Variants in NUP98 observed in about 807,000 individuals in gnomAD.
The protein encoded by NUP98 is nucleoporin 98 and 96 precursor.
In NUP98, 26 loss-of-function variants were observed where a neutral mutation model predicts 191.9. The ratio of observed to expected loss-of-function variants is 0.14; its 90% confidence interval spans 0.10 to 0.19. The LOEUF (loss-of-function observed/expected upper bound fraction) is 0.19, where lower values mean the gene tolerates loss of function less well. Among genes scored for constraint, NUP98 ranks in the 10% least tolerant of loss-of-function variants. NUP98 has a pLI of 1.00. For synonymous variants in NUP98, 808 were observed against 778.4 expected (o/e 1.04, Z -0.63); for missense variants, 1,941 against 2,178.8 (o/e 0.89, Z 2.17).
rs533025739 is a variant in NUP98 at position 3,699,201 on chromosome 11, G to A, written c.3890C>T (p.Ala1297Val). 1 of 1,614,156 alleles carries A rather than the reference G, an allele frequency of 6.2e-7. No homozygotes were observed. The highest frequency in any genetic ancestry group is 2.2e-5 in the East Asian group (1 of 44,880). The change falls in exon 25 of 33, where the codon GCC (alanine) becomes GTC (valine). Residue 1297 changes from alanine (A) to valine (V), a missense_variant. Transcript: ENST00000324932. The part of the protein sequence containing the change: ...RAFSRWLSCT[A>V]TPQIEEEVSL... Reference sequence around the variant, plus strand: ...GACTTCCTCTTCAATCTGAGGTGTGGCAGTACAGGATAGCCAGCGGGAGAA... The same window carrying A: ...GACTTCCTCTTCAATCTGAGGTGTGACAGTACAGGATAGCCAGCGGGAGAA...
intron 19 of NUP98, among the ~76,000 whole-genome samples, chr11:3,713,356 T>C (rs949269324): frequency 6.6e-6 from 1 of 152,196 alleles, no homozygotes; most frequent in African/African-American, 2.4e-5. Context: ...ACTGCTGAAT[T>C]TTAACTAGGT....
chr11:3,768,641 C>G lies in NUP98; in HGVS notation c.888G>C (p.Gln296His). The change falls in exon 8 of 33, where the codon CAG becomes CAC. Residue 296 changes from glutamine to histidine, a missense_variant. Coordinates refer to ENST00000324932, the MANE Select transcript of NUP98 (RefSeq NM_016320.5). ...TATTACCAAAGGAAAAGCCAGTGTTCTGGGTGGTTGTAGCCTGGCCAAATG... is the reference window on the plus strand; with the variant it reads ...TATTACCAAAGGAAAAGCCAGTGTTGTGGGTGGTTGTAGCCTGGCCAAATG... ...SKPFGQATTT[Q>H]NTGFSFGNTS... 1.2e-6 allele frequency: 2 copies of G among 1,611,378 alleles called. No individual in the cohort carries two copies. The highest frequency in any genetic ancestry group is 1.7e-6 in the Non-Finnish European group (2 of 1,178,578).
rs749939631 is a variant in NUP98, at chr11:3,735,325, C to CT, written c.1409-2dup. On this transcript the variant is annotated splice_acceptor_variant, in intron 12 of 32. Transcript: ENST00000324932. LOFTEE classifies it high-confidence loss of function. ...GCAGAAGCATTTGGATCTGTCAAAG[C>CT]TTTTAAAAAAAAAAAAAGAAAACAA... 7.0e-6 allele frequency: 10 copies of CT among 1,436,470 alleles called. No homozygotes were observed. The highest frequency in any genetic ancestry group is 6.7e-5 in the South Asian group (4 of 59,354). 89.0% of individuals were successfully genotyped at this position (1,436,470 alleles called of 1,614,324 possible).
chr11:3,781,128 G>C (rs563398532), intron 2 of NUP98, among the ~76,000 whole-genome samples: 4 of 142,668 alleles, frequency 2.8e-5, no homozygotes, highest in Non-Finnish European at 6.0e-5. Context: ...TGAGGCTGTA[G>C]TGAACCATAA....
intron 5 of NUP98, 23 bp downstream of exon 5, chr11:3,775,859 A>G (rs1433986645): frequency 6.2e-7 from 1 of 1,600,548 alleles, no homozygotes; most frequent in African/African-American, 1.3e-5. Context: ...AACATTCCAC[A>G]AAGATTGGAA....
intron 16 of NUP98, 62 bp downstream of exon 16, chr11:3,723,095 C>T: frequency 2.7e-6 from 4 of 1,497,066 alleles, no homozygotes; most frequent in Non-Finnish European, 3.7e-6. Context: ...TGAATATCTG[C>T]AACAAGCAAG....
At chr11:3,684,784 A>C (rs2078089929) in intron 29 of NUP98, among the ~76,000 whole-genome samples, 1 of 137,588 alleles carries the variant, frequency 7.3e-6, no homozygotes, top group Non-Finnish European at 1.5e-5. Flanking sequence ...AAAAAAAAAA[A>C]AAAAAAAAAA....
Position 3,702,646 on chromosome 11 carries a change from C to T in NUP98, c.3329G>A (p.Gly1110Asp). Residue 1110 changes from glycine to aspartate, a missense_variant, in exon 23 of 33, where the codon GGC (glycine) becomes GAC (aspartate). By Grantham distance (94) the Gly-to-Asp change is moderately conservative (BLOSUM62 -1). Coordinates refer to ENST00000324932, the MANE Select transcript of NUP98 (RefSeq NM_016320.5). ...CATGTCCATCAAGAGTTTTCCCTTGCCATAGGTGACAGACTTTTCACGAGG... is the reference window on the plus strand; with the variant it reads ...CATGTCCATCAAGAGTTTTCCCTTGTCATAGGTGACAGACTTTTCACGAGG... ...LVPREKSVTY[G>D]KGKLLMDMAL... 6.2e-7 allele frequency: 1 copy of T among 1,614,092 alleles called. No homozygotes were observed. Among genetic ancestry groups the T allele is most frequent in the Non-Finnish European group, 8.5e-7 (1 of 1,180,028 alleles).
intron 6 of NUP98, among the ~76,000 whole-genome samples, chr11:3,773,209 C>T (rs532543203): frequency 4.7e-4 from 71 of 152,122 alleles, no homozygotes; most frequent in Middle Eastern, 3.4e-3. Flanking sequence ...TGAGACCGGC[C>T]TGAGCAACAT....
intron 13 of NUP98, among the ~76,000 whole-genome samples, chr11:3,734,818 G>A (rs923055802): frequency 2.6e-5 from 4 of 152,184 alleles, no homozygotes; most frequent in Non-Finnish European, 4.4e-5. Context: ...TGTAATCCCA[G>A]CACGTTGGGA....
chr11:3,718,562 A>T (rs759643401), intron 18 of NUP98, among the ~76,000 whole-genome samples: 3 of 152,086 alleles, frequency 2.0e-5, no homozygotes, highest in Non-Finnish European at 4.4e-5. Flanking sequence ...AAAAGAAAGA[A>T]AGAAGAGAAA....
At chr11:3,746,294 A>AAACAAAAG (rs144936005) in intron 11 of NUP98, among the ~76,000 whole-genome samples, 1 of 93,086 alleles carries the variant, frequency 1.1e-5, no homozygotes, top group Non-Finnish European at 2.0e-5. Context: ...AAAAAAAAAA[A>AAACAAAAG]GACAGCTTTG....
intron 22 of NUP98, among the ~76,000 whole-genome samples, chr11:3,703,650 C>T (rs2078776127): frequency 6.6e-6 from 1 of 152,158 alleles, no homozygotes; most frequent in African/African-American, 2.4e-5. Context: ...TCTGGCACCA[C>T]TCCTCATGCC....
chr11:3,787,190 A>G (rs2082170506), intron 1 of NUP98, among the ~76,000 whole-genome samples: 1 of 152,210 alleles, frequency 6.6e-6, no homozygotes, highest in Non-Finnish European at 1.5e-5. Context: ...GTGTAACCTA[A>G]TAACATATCC....
chr11:3,762,236 A>T (rs748228579), intron 9 of NUP98, among the ~76,000 whole-genome samples: 1 of 150,616 alleles, frequency 6.6e-6, no homozygotes, highest in East Asian at 2.0e-4. Flanking sequence ...CAGCATCTCA[A>T]GTAGCTGGTA....
At chr11:3,679,212 C>T (rs2077913577) in intron 31 of NUP98, among the ~76,000 whole-genome samples, 1 of 150,224 alleles carries the variant, frequency 6.7e-6, no homozygotes, top group African/African-American at 2.4e-5. Context: ...ATGTGTAAAA[C>T]AGCTATCCTC....
At chr11:3,738,046 C>T (rs2080136339) in intron 12 of NUP98, among the ~76,000 whole-genome samples, 1 of 142,638 alleles carries the variant, frequency 7.0e-6, no homozygotes. Context: ...TTAGTTGATC[C>T]CATCGTTTAA....
intron 7 of NUP98, among the ~76,000 whole-genome samples, chr11:3,770,713 A>G (rs1418438984): frequency 2.0e-5 from 3 of 152,134 alleles, no homozygotes; most frequent in African/African-American, 7.2e-5. Flanking sequence ...TGAACTTTGT[A>G]TCACATATGT....
intron 29 of NUP98, 83 bp from the exon 30 acceptor site, chr11:3,683,524 G>A (rs1258214417): frequency 1.4e-6 from 2 of 1,475,574 alleles, no homozygotes; most frequent in South Asian, 1.3e-5. Context: ...GGCCCTTGGG[G>A]CAGTCTCTTA....
Sources: gnomAD v4.1 joint callset for allele counts (sites outside exome capture counted in the v4.1 genomes callset) on GRCh38, gnomAD v4.1.1 for gene constraint, MANE v1.5 for transcripts, NCBI Gene and HGNC (gene_info 2026-07-23, HGNC 2026-07-21) for gene names.